The following DNAJC5B variants were observed in gnomAD, a reference collection of about 807,000 sequenced individuals.
DNAJC5B encodes the protein dnaJ homolog subfamily C member 5B.
DNAJC5B carries 23 observed loss-of-function variants against 24.7 expected under a neutral mutation model. That is an observed-to-expected ratio of 0.93 (90% confidence interval 0.67 to 1.32). DNAJC5B has a LOEUF of 1.32. Among genes scored for constraint, DNAJC5B ranks in the 40% most tolerant of loss-of-function variants. The pLI is 0.00. For missense variants in DNAJC5B, 238 were observed against 240.8 expected (o/e 0.99, Z 0.08); for synonymous variants, 101 against 90.1 (o/e 1.12, Z -0.68).
At chr8:66,044,361 C>T (rs1304299528) in intron 2 of DNAJC5B, among the ~76,000 whole-genome samples, 1 of 152,144 alleles carries the variant, frequency 6.6e-6, no homozygotes, top group East Asian at 1.9e-4. Flanking sequence ...GATCTAATCT[C>T]CTCTGCCCAC....
intron 4 of DNAJC5B, among the ~76,000 whole-genome samples, chr8:66,078,105 C>G (rs1418770345): frequency 6.6e-6 from 1 of 152,154 alleles, no homozygotes; most frequent in Non-Finnish European, 1.5e-5. Flanking sequence ...CAGATAATTA[C>G]ACACATCCAC....
At chr8:66,037,010 G>A (rs190128578) in intron 1 of DNAJC5B, among the ~76,000 whole-genome samples, 58 of 152,308 alleles carry the variant, frequency 3.8e-4, no homozygotes, top group Non-Finnish European at 2.9e-5. Context: ...CTCGTGCAGG[G>A]ACCCAGCTCG....
chr8:66,078,977 T>C (rs932056511), intron 4 of DNAJC5B, among the ~76,000 whole-genome samples: 1 of 152,208 alleles, frequency 6.6e-6, no homozygotes, highest in Admixed American at 6.5e-5. Context: ...AGATAAAATC[T>C]GTGTTTCAAT....
intron 5 of DNAJC5B, among the ~76,000 whole-genome samples, chr8:66,095,509 C>A (rs1258184084): frequency 1.3e-5 from 2 of 151,254 alleles, no homozygotes; most frequent in Non-Finnish European, 2.9e-5. Context: ...TACTTAATTT[C>A]TTTCTTTCTT....
intron 5 of DNAJC5B, among the ~76,000 whole-genome samples, chr8:66,084,791 C>T (rs1807684520): frequency 1.3e-5 from 2 of 152,144 alleles, no homozygotes; most frequent in Non-Finnish European, 2.9e-5. Context: ...TGCCCTTTTC[C>T]TGCATCTTTG....
At chr8:66,037,906 C>A (rs1233908161) in intron 1 of DNAJC5B, among the ~76,000 whole-genome samples, 1 of 152,198 alleles carries the variant, frequency 6.6e-6, no homozygotes, top group Non-Finnish European at 1.5e-5. Context: ...AAACGTTCCA[C>A]TGAGAAGATC....
intron 5 of DNAJC5B, among the ~76,000 whole-genome samples, chr8:66,090,641 C>T (rs539486821): frequency 1.3e-5 from 2 of 152,090 alleles, no homozygotes; most frequent in African/African-American, 2.4e-5. Context: ...CAAATACATT[C>T]ACAACCACAC....
chr8:66,067,682 G>A (rs1360547041), intron 3 of DNAJC5B, among the ~76,000 whole-genome samples: 2 of 152,134 alleles, frequency 1.3e-5, no homozygotes, highest in Non-Finnish European at 2.9e-5. Context: ...ATCTAGCCAT[G>A]AGGAAAAGCC....
chr8:66,081,798 GCAAA>G (rs1807601658), intron 5 of DNAJC5B, among the ~76,000 whole-genome samples: 1 of 152,086 alleles, frequency 6.6e-6, no homozygotes, highest in Non-Finnish European at 1.5e-5. Flanking sequence ...GGCCAATCCA[GCAAA>G]CAGAGGGGTT....
At chr8:66,023,748 G>C (rs531405707) in intron 1 of DNAJC5B, among the ~76,000 whole-genome samples, 1 of 152,248 alleles carries the variant, frequency 6.6e-6, no homozygotes, top group Admixed American at 6.5e-5. Flanking sequence ...TCTTCTATAT[G>C]AGCCTTCTGT....
chr8:66,078,333 A>G (rs1413348852), intron 4 of DNAJC5B, among the ~76,000 whole-genome samples: 2 of 152,138 alleles, frequency 1.3e-5, no homozygotes, highest in Admixed American at 6.5e-5. Flanking sequence ...CACGGCACCC[A>G]TCAGAATGGC....
intron 5 of DNAJC5B, among the ~76,000 whole-genome samples, chr8:66,089,276 G>A (rs1221777822): frequency 1.3e-5 from 2 of 152,116 alleles, no homozygotes; most frequent in African/African-American, 2.4e-5. Context: ...ACAGCATGGG[G>A]GAAACCGTCT....
chr8:66,064,796 C>A (rs111611950), intron 3 of DNAJC5B, among the ~76,000 whole-genome samples: 6,517 of 152,190 alleles, frequency 0.043, 462 homozygotes, highest in African/African-American at 0.15. Flanking sequence ...AGTTCAGGTC[C>A]TCATCCCCTA....
intron 5 of DNAJC5B, among the ~76,000 whole-genome samples, chr8:66,083,892 G>A (rs1240607067): frequency 6.6e-6 from 1 of 152,176 alleles, no homozygotes; most frequent in Non-Finnish European, 1.5e-5. Flanking sequence ...GAAAGTCAAA[G>A]TGGAAAGAGA....
intron 1 of DNAJC5B, among the ~76,000 whole-genome samples, chr8:66,029,937 C>T (rs944562554): frequency 1.3e-5 from 2 of 152,098 alleles, no homozygotes; most frequent in Admixed American, 6.5e-5. Flanking sequence ...TGATATGGGG[C>T]CTGGATCTCA....
upstream of DNAJC5B, among the ~76,000 whole-genome samples, chr8:66,020,826 T>A (rs531123568): frequency 6.6e-6 from 1 of 152,170 alleles, no homozygotes; most frequent in Non-Finnish European, 1.5e-5. Context: ...TTTGTAGAGA[T>A]AGGGTCTCAC....
At chr8:66,072,681 T>G (rs1807375907) in intron 3 of DNAJC5B, among the ~76,000 whole-genome samples, 1 of 152,156 alleles carries the variant, frequency 6.6e-6, no homozygotes, top group Non-Finnish European at 1.5e-5. Context: ...ATTAAAATTA[T>G]AAAATATCTA....
intron 5 of DNAJC5B, among the ~76,000 whole-genome samples, chr8:66,089,539 A>C (rs1214289916): frequency 6.6e-6 from 1 of 152,212 alleles, no homozygotes; most frequent in Admixed American, 6.5e-5. Context: ...TAACAATTCT[A>C]ATTATGTATC....
Position 66,080,418 on chromosome 8 carries a change from TTGCTGCTGCCTG to T in DNAJC5B, c.385_396del (p.Leu129_Cys132del). The T allele has an allele frequency of 4.3e-6, 7 of 1,614,000 alleles. No homozygotes were observed. Among genetic ancestry groups the T allele is most frequent in the Non-Finnish European group, 5.9e-6 (7 of 1,179,978 alleles). On this transcript the variant is annotated inframe_deletion, in exon 5 of 6. Transcript: ENST00000276570. ...TTGGCCTCTTGACGGGCTGCTACTTTTGCTGCTGCCTGTGCTGCTGCTGCAACTGCTGCTGTG... is the reference window on the plus strand; with the variant it reads ...TTGGCCTCTTGACGGGCTGCTACTTTTGCTGCTGCTGCAACTGCTGCTGTG...
Sources: allele counts gnomAD v4.1 joint callset (sites outside exome capture counted in the v4.1 genomes callset), GRCh38; gene constraint gnomAD v4.1.1; transcripts MANE v1.5; gene names NCBI Gene and HGNC (gene_info 2026-07-23, HGNC 2026-07-21).